The following CD200R1 variants were observed in gnomAD, a reference collection of about 807,000 sequenced individuals.
CD200R1 encodes cell surface glycoprotein CD200 receptor 1.
Under a neutral mutation model 38.1 loss-of-function variants are expected in CD200R1, and 30 were observed. That is an observed-to-expected ratio of 0.79 (90% CI 0.59 to 1.07). CD200R1 has a LOEUF of 1.07. Ranked by LOEUF, CD200R1 falls within the 50% of genes least tolerant of loss-of-function variation. The pLI is 0.00. For synonymous variants in CD200R1, 128 were observed against 152.1 expected (o/e 0.84, Z 1.16); for missense variants, 372 against 415.4 (o/e 0.90, Z 0.91).
intron 1 of CD200R1, among the ~76,000 whole-genome samples, chr3:112,966,080 G>T (rs763501623): frequency 6.6e-6 from 1 of 152,162 alleles, no homozygotes; most frequent in African/African-American, 2.4e-5. Context: ...ATGAGGCAAG[G>T]TTCCTGCTCT....
intron 1 of CD200R1, among the ~76,000 whole-genome samples, chr3:112,968,767 A>G (rs530178938): frequency 1.3e-5 from 2 of 152,312 alleles, no homozygotes; most frequent in South Asian, 4.1e-4. Flanking sequence ...CACACATTGC[A>G]GGTCACAGTC....
At position 112,974,818 on chromosome 3, in the gene CD200R1, A is replaced by C; in HGVS notation, c.40T>G (p.Leu14Val). Residue 14 changes from leucine (L) to valine (V), a missense_variant, in exon 1 of 8, where the codon TTG (leucine) becomes GTG (valine). Transcript: ENST00000308611. ...GCCACTAAGAAGATAGTCAAAATCAACAGTAGCCCTAGGTTAGCAGTTCTC... is the reference window on the plus strand; with the variant it reads ...GCCACTAAGAAGATAGTCAAAATCACCAGTAGCCCTAGGTTAGCAGTTCTC... ...PWRTANLGLLLILTIFLVAEA... is the reference protein window; with the variant it reads ...PWRTANLGLLVILTIFLVAEA... The C allele has an allele frequency of 6.2e-7, 1 of 1,613,424 alleles. No homozygotes were observed. Among genetic ancestry groups the C allele is most frequent in the Non-Finnish European group, 8.5e-7 (1 of 1,179,516 alleles).
At chr3:112,931,444 T>C (rs963285303) in intron 2 of CD200R1, among the ~76,000 whole-genome samples, 3 of 152,220 alleles carry the variant, frequency 2.0e-5, no homozygotes, top group South Asian at 2.1e-4. Context: ...TAAACCTGCC[T>C]CTACTGCATC....
chr3:112,938,514 T>C (rs181625568), intron 2 of CD200R1, among the ~76,000 whole-genome samples: 65 of 152,018 alleles, frequency 4.3e-4, no homozygotes, highest in Non-Finnish European at 7.4e-4. Context: ...TAGAGAAAAC[T>C]GAAAAATTCC....
chr3:112,939,869 C>CAAAAA (rs199986714), intron 2 of CD200R1, among the ~76,000 whole-genome samples: 1 of 120,352 alleles, frequency 8.3e-6, no homozygotes. Context: ...ACAAACAAAC[C>CAAAAA]AAAAAAAAAA....
At chr3:112,937,813 C>T (rs561361717) in intron 2 of CD200R1, among the ~76,000 whole-genome samples, 1 of 152,298 alleles carries the variant, frequency 6.6e-6, no homozygotes, top group African/African-American at 2.4e-5. Context: ...TTGATTCTTC[C>T]TATCCATGAG....
chr3:112,972,796 T>G (rs1171271698), intron 1 of CD200R1, among the ~76,000 whole-genome samples: 4 of 152,270 alleles, frequency 2.6e-5, no homozygotes, highest in African/African-American at 7.2e-5. Flanking sequence ...AGCTCCCTTG[T>G]TCCTTTGTGA....
At position 112,947,847 on chromosome 3, in the gene CD200R1, G is replaced by T. The variant is rs750922990; in HGVS notation, c.136+9C>A. On this transcript the variant is annotated intron_variant, in intron 2 of 7. Transcript: ENST00000308611. ...CCTACTAGAATTATTGTTAAAAGAT[G>T]CACATTACCTAAAGCATGATTCTCC... is the stretch of plus-strand genomic sequence containing the variant. 5 of 1,591,336 alleles carry T rather than the reference G, an allele frequency of 3.1e-6. No homozygotes were observed. The highest frequency in any genetic ancestry group is 1.3e-5 in the African/African-American group (1 of 74,488).
At chr3:112,965,899 A>T (rs545064711) in intron 1 of CD200R1, among the ~76,000 whole-genome samples, 7 of 152,322 alleles carry the variant, frequency 4.6e-5, no homozygotes, top group Admixed American at 2.6e-4. Flanking sequence ...GAATGAGACA[A>T]AAAGCAGGTT....
chr3:112,965,706 A>G (rs886716676), intron 1 of CD200R1, among the ~76,000 whole-genome samples: 1 of 152,152 alleles, frequency 6.6e-6, no homozygotes, highest in African/African-American at 2.4e-5. Flanking sequence ...GGTTGCAGTT[A>G]GCCGAGATCG....
chr3:112,926,116 TTGAAACTGAAA>T (rs1940275309), intron 5 of CD200R1, among the ~76,000 whole-genome samples: 1 of 152,144 alleles, frequency 6.6e-6, no homozygotes, highest in African/African-American at 2.4e-5. Context: ...TCCCAGGGCA[TTGAAACTGAAA>T]TGAATACACA....
intron 1 of CD200R1, among the ~76,000 whole-genome samples, chr3:112,968,087 A>G (rs1217529233): frequency 6.6e-6 from 1 of 152,228 alleles, no homozygotes; most frequent in Non-Finnish European, 1.5e-5. Flanking sequence ...TTAGAATTAC[A>G]TAACTGATCT....
chr3:112,944,517 A>T (rs1350946596), intron 2 of CD200R1, among the ~76,000 whole-genome samples: 1 of 152,024 alleles, frequency 6.6e-6, no homozygotes, highest in Non-Finnish European at 1.5e-5. Flanking sequence ...AAAACTCTAC[A>T]GCTAGCATCA....
chr3:112,974,762 C>G (rs1260337474), intron 1 of CD200R1, 29 bp downstream of exon 1: 4 of 1,474,494 alleles, frequency 2.7e-6, no homozygotes, highest in Non-Finnish European at 3.8e-6. Flanking sequence ...AGGTTTCTCA[C>G]TGTTCTCCCA....
At chr3:112,962,113 G>A (rs1437572513) in intron 1 of CD200R1, among the ~76,000 whole-genome samples, 1 of 152,170 alleles carries the variant, frequency 6.6e-6, no homozygotes, top group Non-Finnish European at 1.5e-5. Context: ...GTCTGTGGCA[G>A]TTATTAGGGT....
intron 1 of CD200R1, among the ~76,000 whole-genome samples, chr3:112,962,015 C>T (rs1429864073): frequency 6.6e-6 from 1 of 151,924 alleles, no homozygotes; most frequent in Admixed American, 6.6e-5. Context: ...AACAACAATT[C>T]AATAATGAAT....
At chr3:112,944,151 C>T (rs1940789213) in intron 2 of CD200R1, among the ~76,000 whole-genome samples, 2 of 151,964 alleles carry the variant, frequency 1.3e-5, no homozygotes, top group South Asian at 2.1e-4. Flanking sequence ...ATCAGGTTAG[C>T]ATTATCCTAA....
At chr3:112,973,115 A>T (rs144870039) in intron 1 of CD200R1, among the ~76,000 whole-genome samples, 1 of 152,344 alleles carries the variant, frequency 6.6e-6, no homozygotes, top group African/African-American at 2.4e-5. Context: ...TAAAATTGAA[A>T]ATTACAAATT....
chr3:112,942,065 C>T (rs1940740161), intron 2 of CD200R1, among the ~76,000 whole-genome samples: 1 of 151,578 alleles, frequency 6.6e-6, no homozygotes, highest in Admixed American at 6.6e-5. Flanking sequence ...GTCTGTAGGC[C>T]TGCCTTCCAA....
Sources: gnomAD v4.1 joint callset for allele counts (sites outside exome capture counted in the v4.1 genomes callset) on GRCh38, gnomAD v4.1.1 for gene constraint, MANE v1.5 for transcripts, NCBI Gene and HGNC (gene_info 2026-07-23, HGNC 2026-07-21) for gene names.